The following TMPRSS3 variants were observed in gnomAD, a reference collection of about 807,000 sequenced individuals.
TMPRSS3 encodes transmembrane serine protease 3.
TMPRSS3 carries 55 observed loss-of-function variants against 59.6 expected under a neutral mutation model. That is an observed-to-expected ratio of 0.92 (90% confidence interval 0.74 to 1.16). The LOEUF is 1.16. Among genes scored for constraint, TMPRSS3 ranks in the 50% most tolerant of loss-of-function variants. The probability of loss-of-function intolerance (pLI) is 0.00; values close to 1 mark genes in which losing one functional copy is unlikely to be tolerated. For synonymous variants in TMPRSS3, 257 were observed against 237.7 expected (o/e 1.08, Z -0.75); for missense variants, 596 against 579.4 (o/e 1.03, Z -0.29).
chr21:42,395,599 A>G (rs2052794803), intron 1 of TMPRSS3, 131 bp from the exon 2 acceptor site: 1 of 672,414 alleles, frequency 1.5e-6, no homozygotes, highest in African/African-American at 1.8e-5. Context: ...GATTAACCAA[A>G]AACAGTCATC....
rs140620963 is a variant in TMPRSS3 at position 42,376,562 on chromosome 21, C to G, written c.1170G>C (p.Thr390=). The change falls in exon 11 of 13, where the codon ACG becomes ACC. Residue 390 remains threonine (T), a synonymous_variant. Transcript: ENST00000644384. ...GTACCTGGCAGCTGTCCACGCCACCCGTCAGGTAGCCCGCGCAGAGCATGG... is the reference window on the plus strand; with the variant it reads ...GTACCTGGCAGCTGTCCACGCCACCGGTCAGGTAGCCCGCGCAGAGCATGG... ...SPSMLCAGYL[T]GGVDSCQGDS... 6.2e-7 allele frequency: 1 copy of G among 1,613,628 alleles called. No homozygotes were observed. Among genetic ancestry groups the G allele is most frequent in the Admixed American group, 1.7e-5 (1 of 60,032 alleles).
intron 2 of TMPRSS3, 114 bp downstream of exon 2, chr21:42,395,210 G>T: frequency 1.1e-6 from 1 of 874,296 alleles, no homozygotes; most frequent in Non-Finnish European, 1.9e-6. Context: ...TGTCCAGCCT[G>T]TGGGTGTCAG....
intron 2 of TMPRSS3, chr21:42,390,394 AGGGT>A (rs1385051874): frequency 6.5e-6 from 2 of 309,838 alleles, no homozygotes; most frequent in Admixed American, 4.3e-5. Context: ...ATGAGTCATT[AGGGT>A]GGGCCCTAAT....
At chr21:42,381,987 A>C (rs776761130) in intron 9 of TMPRSS3, 78 bp downstream of exon 9, 128 of 1,557,192 alleles carry the variant, frequency 8.2e-5, no homozygotes, top group Non-Finnish European at 1.1e-4. Flanking sequence ...AGCCATCATA[A>C]GAATGCTTCA....
intron 7 of TMPRSS3, chr21:42,383,731 T>C: frequency 1.4e-6 from 1 of 702,848 alleles, no homozygotes; most frequent in Non-Finnish European, 2.7e-6. Context: ...ATCATGGGCC[T>C]TGGTCCTGTC....
chr21:42,376,367 T>C (rs1457038724), intron 11 of TMPRSS3, among the ~76,000 whole-genome samples, 174 bp downstream of exon 11: 1 of 152,140 alleles, frequency 6.6e-6, no homozygotes, highest in Non-Finnish European at 1.5e-5. Context: ...CAGAGCCAGA[T>C]CACTGGGTAA....
intron 3 of TMPRSS3, among the ~76,000 whole-genome samples, chr21:42,389,539 T>C (rs1314168777): frequency 2.0e-5 from 3 of 152,246 alleles, no homozygotes; most frequent in Non-Finnish European, 4.4e-5. Flanking sequence ...TGACCCACTT[T>C]CTCAAAAGCC....
Position 42,372,252 on chromosome 21 carries a change from T to C in TMPRSS3, c.*510A>G. ...TTGCAAGTTGCTGCTTCTTTTGTTC[T>C]TAGTGAAGATCAGAAAGGAGCGTGA... On this transcript the variant is annotated 3_prime_UTR_variant, in exon 13 of 13. Transcript: ENST00000644384. 2.2e-6 allele frequency: 1 copy of C among 445,226 alleles called. No individual in the cohort carries two copies. The highest frequency in any genetic ancestry group is 4.5e-6 in the Non-Finnish European group (1 of 221,166). 27.6% of individuals were successfully genotyped at this position (445,226 alleles called of 1,614,324 possible). A position where few individuals can be genotyped will look rare whatever the true frequency, so the allele number is the denominator to read the frequency against.
chr21:42,390,105 A>G lies in TMPRSS3; in HGVS notation c.95-68T>C, dbSNP rs985926584. ...ACTTGGAGTGCCATGAAACTTACAA[A>G]TTTAACTATCCTTTCCCCCTCCCCT... is the stretch of plus-strand genomic sequence containing the variant. On this transcript the variant is annotated intron_variant, in intron 2 of 12. Coordinates refer to ENST00000644384, the MANE Select transcript of TMPRSS3 (RefSeq NM_001256317.3). 8.5e-6 allele frequency: 10 copies of G among 1,180,260 alleles called. No homozygotes were observed. In the African/African-American group the frequency reaches 1.4e-4, roughly 16 times the overall value. The allele number at this position is 1,180,260 out of a possible 1,614,324, so 73.1% of individuals were successfully genotyped here.
chr21:42,372,189 G>T lies in TMPRSS3; in HGVS notation c.*573C>A, dbSNP rs1042336424. On this transcript the variant is annotated 3_prime_UTR_variant, in exon 13 of 13. Coordinates refer to ENST00000644384, the MANE Select transcript of TMPRSS3 (RefSeq NM_001256317.3). The stretch of plus-strand genomic sequence containing the variant: ...TCGTCAGGAATTTTGCAAGACCCCT[G>T]GAGAGAAAACCAGATGGACCAGTGG... 1 of 449,156 alleles carries T rather than the reference G, an allele frequency of 2.2e-6. No individual in the cohort carries two copies. 27.8% of individuals were successfully genotyped at this position (449,156 alleles called of 1,614,324 possible). A position where few individuals can be genotyped will look rare whatever the true frequency, so the allele number is the denominator to read the frequency against.
chr21:42,385,285 T>C (rs1201180490), intron 6 of TMPRSS3, 124 bp downstream of exon 6: 19 of 1,388,894 alleles, frequency 1.4e-5, no homozygotes, highest in Non-Finnish European at 1.9e-5. Context: ...GGTGGCCAAC[T>C]CCCACCTTCC....
rs754341063 is a variant in TMPRSS3, at chr21:42,376,658, G to C, written c.1074C>G (p.His358Gln). 6.2e-7 allele frequency: 1 copy of C among 1,614,126 alleles called. No individual in the cohort carries two copies. The highest frequency in any genetic ancestry group is 8.5e-7 in the Non-Finnish European group (1 of 1,180,036). ...TGTTGGAAATCAAAGGGACGGCCGC[G>C]TGGTTCAGGACAGGGGAGGCGTCAC... ...DGGDASPVLNHAAVPLISNKI... is the reference protein window; with the variant it reads ...DGGDASPVLNQAAVPLISNKI... Residue 358 changes from histidine (H) to glutamine (Q), a missense_variant, in exon 11 of 13, where the codon CAC (histidine) becomes CAG (glutamine). His to Gln is a conservative substitution (Grantham distance 24). Transcript: ENST00000644384.
chr21:42,395,756 T>G, intron 1 of TMPRSS3, 186 bp downstream of exon 1: 1 of 386,988 alleles, frequency 2.6e-6, no homozygotes, highest in East Asian at 6.3e-5. Context: ...TTCAAATCGA[T>G]TGCTTTAGAG....
rs912867029 is a variant in TMPRSS3 at position 42,379,971 on chromosome 21, G to A, written c.1048+146C>T. 1.0e-4 allele frequency: 71 copies of A among 705,170 alleles called. No individual in the cohort carries two copies. The African/African-American group carries it at 1.2e-3, about 11-fold the overall frequency. 43.7% of individuals were successfully genotyped at this position (705,170 alleles called of 1,614,324 possible). On this transcript the variant is annotated intron_variant, in intron 10 of 12. Coordinates refer to ENST00000644384, the MANE Select transcript of TMPRSS3 (RefSeq NM_001256317.3). ...CTGACCCACAGTTCCTTGGCTGACT[G>A]TGTCCCGAGCAGCTGACATGCACTC...
At chr21:42,382,352 T>C in intron 8 of TMPRSS3, 118 bp from the exon 9 acceptor site, 1 of 899,640 alleles carries the variant, frequency 1.1e-6, no homozygotes. Flanking sequence ...CAAGATGTGG[T>C]CCCATCACCC....
At chr21:42,379,404 C>T (rs1019965020) in intron 10 of TMPRSS3, among the ~76,000 whole-genome samples, 1 of 152,142 alleles carries the variant, frequency 6.6e-6, no homozygotes, top group Admixed American at 6.5e-5. Flanking sequence ...CTCAAGGGAT[C>T]CCATAGACTC....
chr21:42,380,048 G>T, intron 10 of TMPRSS3, 69 bp downstream of exon 10: 1 of 1,334,268 alleles, frequency 7.5e-7, no homozygotes, highest in Non-Finnish European at 1.1e-6. Context: ...GGGACATTGG[G>T]GGAGCCCCCT....
intron 5 of TMPRSS3, 55 bp from the exon 6 acceptor site, chr21:42,385,589 T>C: frequency 6.2e-7 from 1 of 1,607,580 alleles, no homozygotes; most frequent in Non-Finnish European, 8.5e-7. Context: ...CTTTGAAGCA[T>C]TCAACCGATG....
intron 10 of TMPRSS3, among the ~76,000 whole-genome samples, chr21:42,377,875 G>A (rs576600835): frequency 7.2e-4 from 109 of 152,364 alleles, no homozygotes; most frequent in African/African-American, 2.5e-3. Flanking sequence ...GGGCTCGTCG[G>A]ACCTTTTGCA....
Sources: allele counts gnomAD v4.1 joint callset (sites outside exome capture counted in the v4.1 genomes callset), GRCh38; gene constraint gnomAD v4.1.1; transcripts MANE v1.5; gene names NCBI Gene and HGNC (gene_info 2026-07-23, HGNC 2026-07-21).